The following PRELID2 variants were observed in gnomAD, a reference collection of about 807,000 sequenced individuals.
The protein encoded by PRELID2 is PRELI domain containing 2.
In PRELID2, 25 loss-of-function variants were observed where a neutral mutation model predicts 28.4. The ratio of observed to expected loss-of-function variants is 0.88; its 90% confidence interval spans 0.64 to 1.23. PRELID2 has a LOEUF of 1.23. Among genes scored for constraint, PRELID2 ranks in the 50% most tolerant of loss-of-function variants. The pLI, the probability that PRELID2 is intolerant of heterozygous loss-of-function variation, is 0.00. For missense variants in PRELID2, 201 were observed against 214.4 expected (o/e 0.94, Z 0.39); for synonymous variants, 76 against 71.6 (o/e 1.06, Z -0.31).
At chr5:145,490,571 G>GA (rs1383552871) in intron 1 of PRELID2, among the ~76,000 whole-genome samples, 1 of 152,044 alleles carries the variant, frequency 6.6e-6, no homozygotes, top group East Asian at 1.9e-4. Flanking sequence ...TAAGGCAGTT[G>GA]AAAAAATGTG....
intron 2 of PRELID2, among the ~76,000 whole-genome samples, chr5:145,821,474 A>T (rs1296709890): frequency 6.6e-6 from 1 of 152,162 alleles, no homozygotes; most frequent in African/African-American, 2.4e-5. Flanking sequence ...TAAGCCAGGG[A>T]TGTAAAAAAC....
At chr5:145,776,085 T>C (rs912043686) in intron 5 of PRELID2, among the ~76,000 whole-genome samples, 3 of 152,264 alleles carry the variant, frequency 2.0e-5, no homozygotes, top group African/African-American at 7.2e-5. Flanking sequence ...ATCTGTAGTT[T>C]TGTTTTCCAC....
intron 1 of PRELID2, among the ~76,000 whole-genome samples, chr5:145,714,074 G>A (rs1755778475): frequency 6.6e-6 from 1 of 151,686 alleles, no homozygotes; most frequent in Non-Finnish European, 1.5e-5. Flanking sequence ...AGCTCCTGAT[G>A]ACTGCACCTG....
the PRELID2 span, among the ~76,000 whole-genome samples, chr5:145,267,745 A>G: frequency 2.6e-3 from 393 of 152,264 alleles, 2 homozygotes; most frequent in African/African-American, 9.2e-3. Context: ...TGCTCTCCAT[A>G]GTGGTCGTGC....
chr5:145,584,991 T>C (rs1753140341), intron 1 of PRELID2, among the ~76,000 whole-genome samples: 1 of 152,212 alleles, frequency 6.6e-6, no homozygotes, highest in South Asian at 2.1e-4. Context: ...CATGTGTATG[T>C]TCACTGCAGC....
the PRELID2 span, among the ~76,000 whole-genome samples, chr5:145,373,922 T>A: frequency 9.8e-4 from 137 of 139,662 alleles, no homozygotes; most frequent in Non-Finnish European, 1.5e-3. Context: ...TATATGATAT[T>A]ATATATTATA....
the PRELID2 span, among the ~76,000 whole-genome samples, chr5:145,318,514 T>C: frequency 1.3e-5 from 2 of 152,218 alleles, no homozygotes; most frequent in African/African-American, 2.4e-5. Flanking sequence ...ACAGTACTCA[T>C]AGATTCTTTG....
At chr5:145,242,984 A>G in the PRELID2 span, among the ~76,000 whole-genome samples, 1 of 152,130 alleles carries the variant, frequency 6.6e-6, no homozygotes, top group East Asian at 1.9e-4. Flanking sequence ...TATTTGAAGT[A>G]TAATTCTTTA....
rs1410443202 is a variant in PRELID2 at position 145,570,933 on chromosome 5, T to C, written n.71-97618A>G. 2.0e-5 allele frequency among the ~76,000 whole-genome samples: 3 copies of C among 152,236 alleles called. No homozygotes were observed. The East Asian group carries it at 5.8e-4, about 29-fold the overall frequency. On this transcript the variant is annotated intron_variant and non_coding_transcript_variant, in intron 1 of 2. Coordinates refer to the PRELID2 transcript ENST00000510259. ...AGCTGGTCCATTACCACTCTTCCTT[T>C]AGCTTCTACAGTTCTCTCTCTTGCT...
chr5:145,815,243 G>A (rs1754220551), intron 4 of PRELID2, among the ~76,000 whole-genome samples: 1 of 152,222 alleles, frequency 6.6e-6, no homozygotes, highest in East Asian at 1.9e-4. Flanking sequence ...GGAAAGGCCA[G>A]TGCCTAGATG....
the PRELID2 span, among the ~76,000 whole-genome samples, chr5:145,233,904 C>T: frequency 6.6e-6 from 1 of 152,152 alleles, no homozygotes; most frequent in African/African-American, 2.4e-5. Context: ...ACATAACCAA[C>T]CTTGGGATCT....
At chr5:145,284,456 C>G in the PRELID2 span, among the ~76,000 whole-genome samples, 22 of 152,114 alleles carry the variant, frequency 1.4e-4, no homozygotes, top group African/African-American at 5.1e-4. Context: ...GCAAGAAATG[C>G]TAAACAATAT....
the PRELID2 span, among the ~76,000 whole-genome samples, chr5:145,351,910 G>A: frequency 6.6e-6 from 1 of 152,142 alleles, no homozygotes; most frequent in South Asian, 2.1e-4. Flanking sequence ...GTTCCAAAAT[G>A]ATCTCCTTTG....
At chr5:145,740,615 A>AAT (rs1491488740) in intron 1 of PRELID2, among the ~76,000 whole-genome samples, 3 of 7,726 alleles carry the variant, frequency 3.9e-4, no homozygotes, top group Non-Finnish European at 9.9e-4. Flanking sequence ...TATATATATA[A>AAT]ATATATATAT....
the PRELID2 span, chr5:145,337,853 A>C: frequency 6.6e-6 from 1 of 151,166 alleles, no homozygotes; most frequent in Non-Finnish European, 1.5e-5. Context: ...TTCTCCCAAC[A>C]CATGGATGTG....
At chr5:145,749,267 T>C (rs1757070739) in intron 1 of PRELID2, among the ~76,000 whole-genome samples, 1 of 151,880 alleles carries the variant, frequency 6.6e-6, no homozygotes, top group African/African-American at 2.4e-5. Context: ...CTTAAACAAA[T>C]TTACAAGAAA....
chr5:145,313,553 AG>A, the PRELID2 span, among the ~76,000 whole-genome samples: 1 of 150,512 alleles, frequency 6.6e-6, no homozygotes. Context: ...TGCTGTTTAT[AG>A]CCCAATGAAA....
chr5:145,651,880 A>G (rs1324741036), intron 1 of PRELID2, among the ~76,000 whole-genome samples: 1 of 152,276 alleles, frequency 6.6e-6, no homozygotes, highest in Non-Finnish European at 1.5e-5. Flanking sequence ...GCTCCTCGCC[A>G]GCAATGGAAC....
the PRELID2 span, among the ~76,000 whole-genome samples, chr5:145,400,427 G>A: frequency 1.3e-5 from 2 of 151,874 alleles, no homozygotes; most frequent in African/African-American, 4.8e-5. Context: ...TGTTGCTGTT[G>A]GCAGAAACAT....
Sources: gnomAD v4.1 joint callset for allele counts (sites outside exome capture counted in the v4.1 genomes callset) on GRCh38, gnomAD v4.1.1 for gene constraint, MANE v1.5 for transcripts, NCBI Gene and HGNC (gene_info 2026-07-23, HGNC 2026-07-21) for gene names.